The following PATJ variants were observed in gnomAD, a reference collection of about 807,000 sequenced individuals.
PATJ encodes PATJ crumbs cell polarity complex component.
PATJ carries 190 observed loss-of-function variants against 224.9 expected under a neutral mutation model. The ratio of observed to expected loss-of-function variants is 0.84; its 90% CI spans 0.75 to 0.95. PATJ has a LOEUF of 0.95. PATJ is among the 40% of genes least tolerant of loss of function. The pLI, the probability that PATJ is intolerant of heterozygous loss-of-function variation, is 0.00. For missense variants in PATJ, 2,121 were observed against 2,270.3 expected (o/e 0.93, Z 1.34); for synonymous variants, 769 against 820.3 (o/e 0.94, Z 1.07).
chr1:61,970,436 G>T (rs970471546), intron 27 of PATJ, among the ~76,000 whole-genome samples: 1 of 151,734 alleles, frequency 6.6e-6, no homozygotes, highest in East Asian at 1.9e-4. Context: ...TATATGTTCT[G>T]TACATTTTGA....
chr1:61,796,712 T>TTC (rs754876997), intron 10 of PATJ, among the ~76,000 whole-genome samples: 7 of 30,464 alleles, frequency 2.3e-4, no homozygotes, highest in Non-Finnish European at 6.5e-4. Context: ...CTTTCTTTCT[T>TTC]TCTTTCTTTC....
At chr1:61,804,362 T>C (rs1359358925) in intron 12 of PATJ, among the ~76,000 whole-genome samples, 1 of 152,150 alleles carries the variant, frequency 6.6e-6, no homozygotes, top group Non-Finnish European at 1.5e-5. Context: ...TAATTTAAGT[T>C]CTTTAATGTT....
At chr1:62,032,131 C>T (rs774879235) in intron 29 of PATJ, among the ~76,000 whole-genome samples, 2 of 152,018 alleles carry the variant, frequency 1.3e-5, no homozygotes, top group Non-Finnish European at 2.9e-5. Flanking sequence ...GAAGTCAAGG[C>T]GTTGGTCAGG....
intron 19 of PATJ, among the ~76,000 whole-genome samples, chr1:61,862,417 G>A (rs901348857): frequency 1.3e-5 from 2 of 151,976 alleles, no homozygotes; most frequent in South Asian, 2.1e-4. Flanking sequence ...GGCTGGTCTC[G>A]AACTCCTGAC....
intron 11 of PATJ, 64 bp from the exon 12 acceptor site, chr1:61,801,559 T>G: frequency 5.8e-6 from 6 of 1,032,470 alleles, no homozygotes; most frequent in Non-Finnish European, 8.1e-6. Flanking sequence ...AATATAGTCC[T>G]CAACAACTAA....
At chr1:61,778,290 A>G (rs1211208156) in intron 7 of PATJ, among the ~76,000 whole-genome samples, 1 of 152,198 alleles carries the variant, frequency 6.6e-6, no homozygotes, top group African/African-American at 2.4e-5. Context: ...TGCTGGGATT[A>G]TAGGTGTGAG....
At chr1:62,055,967 AG>A (rs1444653956) in intron 31 of PATJ, among the ~76,000 whole-genome samples, 12 of 152,330 alleles carry the variant, frequency 7.9e-5, no homozygotes, top group African/African-American at 2.9e-4. Flanking sequence ...TGCAGTCCAA[AG>A]GCTGGAGAAC....
At chr1:62,095,381 A>T (rs533201510) in intron 33 of PATJ, among the ~76,000 whole-genome samples, 2 of 152,366 alleles carry the variant, frequency 1.3e-5, no homozygotes, top group South Asian at 4.1e-4. Context: ...ATCAAAGAAG[A>T]GAAAAGTTCT....
At chr1:61,930,069 A>G (rs1438629172) in intron 27 of PATJ, among the ~76,000 whole-genome samples, 2 of 152,162 alleles carry the variant, frequency 1.3e-5, no homozygotes, top group Non-Finnish European at 2.9e-5. Flanking sequence ...CTTGAGCTAT[A>G]ATATTATACA....
At chr1:61,992,551 G>A (rs1176635365) in intron 28 of PATJ, among the ~76,000 whole-genome samples, 1 of 152,148 alleles carries the variant, frequency 6.6e-6, no homozygotes, top group East Asian at 1.9e-4. Context: ...GAGATTTCCT[G>A]TCTTGCTTGG....
chr1:62,068,894 A>C (rs916874567), intron 31 of PATJ, among the ~76,000 whole-genome samples: 1 of 152,198 alleles, frequency 6.6e-6, no homozygotes, highest in Non-Finnish European at 1.5e-5. Flanking sequence ...ACATTTCTTC[A>C]TTCTTCTTTT....
chr1:61,861,437 A>T, intron 18 of PATJ, 114 bp from the exon 19 acceptor site: 1 of 556,602 alleles, frequency 1.8e-6, no homozygotes, highest in South Asian at 2.6e-5. Flanking sequence ...TCAACCCATC[A>T]TCTAGGTTTT....
chr1:61,764,864 G>A lies in PATJ; in HGVS notation c.190-1415G>A, dbSNP rs114898027. 5.3e-3 allele frequency among the ~76,000 whole-genome samples: 801 copies of A among 152,158 alleles called. 6 individuals are homozygous for A. The highest frequency in any genetic ancestry group is 9.2e-3 in the Non-Finnish European group (626 of 68,012). ...ATCACAATAGTGAATGCTGTTGGTA[G>A]CAACTGAAATTGGCAAAGATCAGCA... On this transcript the variant is annotated intron_variant, in intron 3 of 43. Coordinates refer to ENST00000642238, the MANE Select transcript of PATJ (RefSeq NM_001350145.3).
At chr1:61,862,551 T>TA (rs1307281546) in intron 19 of PATJ, among the ~76,000 whole-genome samples, 1 of 152,150 alleles carries the variant, frequency 6.6e-6, no homozygotes, top group Non-Finnish European at 1.5e-5. Flanking sequence ...CTCTAAATGA[T>TA]AAAGGCACGA....
Position 62,099,824 on chromosome 1 carries a change from T to G in PATJ, c.4378-8613T>G, listed in dbSNP as rs542422510. ...ATATCCTTCAGCCCACAGGAGACCC[T>G]TAGTTAATTTTTCTAACACCTGGCT... On this transcript the variant is annotated intron_variant, in intron 33 of 43. Transcript: ENST00000642238. Among the ~76,000 whole-genome samples, 3 of 152,296 alleles carry G rather than the reference T, an allele frequency of 2.0e-5. No individual in the cohort carries two copies. In the South Asian group the frequency reaches 6.2e-4, roughly 32 times the overall value.
intron 27 of PATJ, among the ~76,000 whole-genome samples, chr1:61,987,759 C>T (rs1644842855): frequency 6.6e-6 from 1 of 152,194 alleles, no homozygotes; most frequent in African/African-American, 2.4e-5. Flanking sequence ...TTCTCCTCCC[C>T]ATCCCAACTG....
chr1:62,118,799 T>G (rs1208968197), intron 37 of PATJ, among the ~76,000 whole-genome samples: 1 of 152,014 alleles, frequency 6.6e-6, no homozygotes, highest in Non-Finnish European at 1.5e-5. Flanking sequence ...CCGGCTAATT[T>G]TTGTATTTTT....
At chr1:62,059,920 A>G (rs1655144412) in intron 31 of PATJ, among the ~76,000 whole-genome samples, 1 of 152,170 alleles carries the variant, frequency 6.6e-6, no homozygotes, top group African/African-American at 2.4e-5. Flanking sequence ...CAGATGCATC[A>G]TGGGCAGCTG....
intron 27 of PATJ, chr1:61,952,159 C>T (rs1679781309): frequency 4.3e-6 from 2 of 468,482 alleles, no homozygotes; most frequent in South Asian, 9.4e-5. Flanking sequence ...ACAGAGGTGA[C>T]TGTTTAGCTT....
Sources: gnomAD v4.1 joint callset for allele counts (sites outside exome capture counted in the v4.1 genomes callset) on GRCh38, gnomAD v4.1.1 for gene constraint, MANE v1.5 for transcripts, NCBI Gene and HGNC (gene_info 2026-07-23, HGNC 2026-07-21) for gene names.